The following NCAM2 variants were observed in gnomAD, a reference collection of about 807,000 sequenced individuals.
The protein encoded by NCAM2 is neural cell adhesion molecule 2, also known as N-CAM-2.
A neutral mutation model predicts 98.1 loss-of-function variants in NCAM2; 30 were observed. The ratio of observed to expected loss-of-function variants is 0.31; its 90% CI spans 0.23 to 0.41. NCAM2 has a LOEUF of 0.41. NCAM2 is among the 10% of genes least tolerant of loss of function. NCAM2 has a pLI of 1.00. For missense variants in NCAM2, 867 were observed against 1,005.8 expected, an observed-to-expected ratio of 0.86 and a Z score of 1.87; for synonymous variants, 368 against 342.4, an observed-to-expected ratio of 1.07 and a Z score of -0.83.
At chr21:21,519,613 G>C (rs998194136) in intron 16 of NCAM2, among the ~76,000 whole-genome samples, 2 of 152,008 alleles carry the variant, frequency 1.3e-5, no homozygotes, top group African/African-American at 4.8e-5. Flanking sequence ...AACCTGCTGA[G>C]TTTAATTAAC....
intron 1 of NCAM2, among the ~76,000 whole-genome samples, chr21:21,017,477 A>G (rs903760536): frequency 6.8e-6 from 1 of 147,236 alleles, no homozygotes; most frequent in Non-Finnish European, 1.5e-5. Context: ...AGAGTCTTCT[A>G]TAGAGGGAGA....
chr21:21,334,595 G>A (rs911236120), intron 6 of NCAM2, among the ~76,000 whole-genome samples: 1 of 151,750 alleles, frequency 6.6e-6, no homozygotes, highest in Non-Finnish European at 1.5e-5. Context: ...ATTCAGTCAT[G>A]CAAAATACTA....
intron 8 of NCAM2, among the ~76,000 whole-genome samples, chr21:21,346,856 C>G (rs534845578): frequency 6.6e-6 from 1 of 151,726 alleles, no homozygotes; most frequent in Non-Finnish European, 1.5e-5. Context: ...ATACAAAAAC[C>G]TATGGGATAT....
At chr21:21,391,320 T>G (rs933371342) in intron 9 of NCAM2, among the ~76,000 whole-genome samples, 2 of 152,190 alleles carry the variant, frequency 1.3e-5, no homozygotes, top group African/African-American at 4.8e-5. Context: ...GGAACCGGAA[T>G]CTACTTATGT....
intron 8 of NCAM2, among the ~76,000 whole-genome samples, chr21:21,367,497 G>T (rs1397344489): frequency 6.6e-6 from 1 of 151,942 alleles, no homozygotes; most frequent in African/African-American, 2.4e-5. Context: ...CGTGGTTCAT[G>T]GGATCAAGAG....
At chr21:21,262,658 CAAAAAAA>C (rs33912324) in intron 1 of NCAM2, among the ~76,000 whole-genome samples, 1 of 78,960 alleles carries the variant, frequency 1.3e-5, no homozygotes, top group African/African-American at 5.1e-5. Flanking sequence ...AACAATCAGT[CAAAAAAA>C]AAAAAAAAAA....
chr21:21,446,157 G>A (rs941169652), intron 12 of NCAM2, among the ~76,000 whole-genome samples: 4 of 151,966 alleles, frequency 2.6e-5, no homozygotes, highest in African/African-American at 9.7e-5. Context: ...ATGAATATTG[G>A]CCCCCAATCT....
chr21:21,347,909 A>G (rs2075231318), intron 8 of NCAM2, among the ~76,000 whole-genome samples: 2 of 152,220 alleles, frequency 1.3e-5, no homozygotes, highest in Non-Finnish European at 2.9e-5. Context: ...ATAAAATTTA[A>G]CATCCATTCA....
At chr21:21,428,930 A>G (rs1411492771) in intron 11 of NCAM2, among the ~76,000 whole-genome samples, 1 of 152,176 alleles carries the variant, frequency 6.6e-6, no homozygotes, top group African/African-American at 2.4e-5. Flanking sequence ...ACATGTATCT[A>G]TCTGTATGCA....
At chr21:21,330,667 A>G (rs2074649125) in intron 6 of NCAM2, among the ~76,000 whole-genome samples, 1 of 151,914 alleles carries the variant, frequency 6.6e-6, no homozygotes, top group African/African-American at 2.4e-5. Flanking sequence ...TTATTTTTAA[A>G]TGTGTCTATT....
At chr21:21,046,482 C>T (rs956998548) in intron 1 of NCAM2, among the ~76,000 whole-genome samples, 1 of 152,142 alleles carries the variant, frequency 6.6e-6, no homozygotes, top group Non-Finnish European at 1.5e-5. Flanking sequence ...TCTCAAATTT[C>T]CCCCATATAA....
At chr21:21,319,841 C>T (rs2074328491) in intron 5 of NCAM2, among the ~76,000 whole-genome samples, 1 of 152,094 alleles carries the variant, frequency 6.6e-6, no homozygotes, top group African/African-American at 2.4e-5. Flanking sequence ...AACAAAGCAT[C>T]AGTTAACAAT....
intron 12 of NCAM2, among the ~76,000 whole-genome samples, chr21:21,436,386 A>G (rs1385728870): frequency 1.3e-5 from 2 of 152,182 alleles, no homozygotes; most frequent in African/African-American, 4.8e-5. Flanking sequence ...TACTTTCACA[A>G]TCAGTCCTTG....
chr21:21,010,735 A>C lies in NCAM2; in HGVS notation c.55+12117A>C, dbSNP rs185162052. On this transcript the variant is annotated intron_variant, in intron 1 of 17. Transcript: ENST00000400546. ...CCTTTTACCTCATTTTAAAGTCTCT[A>C]AGTCTCAGGTGATGGACATGGATGT... Among the ~76,000 whole-genome samples, 270 of 152,202 alleles carry C rather than the reference A, an allele frequency of 1.8e-3. 2 individuals carry two copies. The highest frequency in any genetic ancestry group is 6.2e-3 in the African/African-American group (258 of 41,546).
chr21:21,537,583 C>T (rs1990049350), intron 17 of NCAM2, among the ~76,000 whole-genome samples: 1 of 152,020 alleles, frequency 6.6e-6, no homozygotes, highest in African/African-American at 2.4e-5. Flanking sequence ...CATCATTCTG[C>T]ATTACATTTT....
At chr21:21,142,366 T>G (rs760446125) in intron 1 of NCAM2, among the ~76,000 whole-genome samples, 7 of 75,578 alleles carry the variant, frequency 9.3e-5, no homozygotes, top group South Asian at 1.2e-3. Context: ...TATTTGACCG[T>G]TTTTTTTTAT....
In NCAM2 at chr21:21,477,354, G is replaced by A; in HGVS notation, c.1960G>A (p.Glu654Lys). The A allele has an allele frequency of 6.2e-7, 1 of 1,610,092 alleles. No homozygotes were observed. The highest frequency in any genetic ancestry group is 8.5e-7 in the Non-Finnish European group (1 of 1,177,328). Reference sequence around the variant, plus strand: ...AGGAAATAAAGACCACATCATTTTGGAGCATCTCCAGTGGACCATGGGGTA... The same window carrying A: ...AGGAAATAAAGACCACATCATTTTGAAGCATCTCCAGTGGACCATGGGGTA... The part of the protein sequence containing the change: ...VQGNKDHIIL[E>K]HLQWTMGYEV... The change falls in exon 15 of 18, where the codon GAG becomes AAG. Residue 654 changes from glutamate (E) to lysine (K), a missense_variant. This residue lies in a region of NCAM2 where 234 missense variants were observed against 333.8 expected (regional missense o/e 0.70). Transcript: ENST00000400546.
At chr21:21,321,067 C>G (rs2074362471) in intron 5 of NCAM2, among the ~76,000 whole-genome samples, 1 of 152,144 alleles carries the variant, frequency 6.6e-6, no homozygotes, top group Non-Finnish European at 1.5e-5. Flanking sequence ...TGGTGTTAAT[C>G]TGCTCTATCT....
intron 8 of NCAM2, among the ~76,000 whole-genome samples, chr21:21,368,645 C>G (rs921015702): frequency 1.3e-5 from 2 of 151,794 alleles, no homozygotes; most frequent in Admixed American, 6.6e-5. Context: ...ATGGGACTAG[C>G]TAGCTTTCTG....
Sources: gnomAD v4.1 joint callset for allele counts (sites outside exome capture counted in the v4.1 genomes callset) on GRCh38, gnomAD v4.1.1 for gene constraint, gnomAD v4.1.1 regional missense constraint, MANE v1.5 for transcripts, NCBI Gene and HGNC (gene_info 2026-07-23, HGNC 2026-07-21) for gene names.